Variants in CNKSR2 observed in about 807,000 individuals in gnomAD.
CNKSR2 encodes the protein connector enhancer of kinase suppressor of Ras 2, also known as CNK homolog protein 2.
In CNKSR2, 14 loss-of-function variants were observed where a neutral mutation model predicts 84.4. The observed-to-expected ratio is 0.17, with a 90% confidence interval of 0.11 to 0.26. The LOEUF (loss-of-function observed/expected upper bound fraction) is 0.26. CNKSR2 is among the 10% of genes least tolerant of loss of function. CNKSR2 has a pLI of 1.00. For missense variants in CNKSR2, 485 were observed against 771.2 expected (o/e 0.63, Z 4.40); for synonymous variants, 275 against 277.9 (o/e 0.99, Z 0.10).
chrX:21,507,284 C>A (rs2091622796), intron 8 of CNKSR2, among the ~76,000 whole-genome samples: 1 of 111,207 alleles, frequency 9.0e-6, no homozygotes, highest in Non-Finnish European at 1.9e-5. Flanking sequence ...AACATAGCCA[C>A]TCATTACTTT....
chrX:21,629,890 A>C (rs1359641339), intron 20 of CNKSR2, among the ~76,000 whole-genome samples: 1 of 112,728 alleles, frequency 8.9e-6, no homozygotes, highest in Non-Finnish European at 1.9e-5. Flanking sequence ...TGAATTATGA[A>C]GAAGTGAAAA....
rs2090071304 is a variant in CNKSR2 at position 21,392,953 on chromosome X, T to C, written c.64+17992T>C. ...GTGCCTTTCTGATTAAGATCTTCCT[T>C]GTTTTTTAGTTTAATGGTGTGAAAA... On this transcript the variant is annotated intron_variant, in intron 1 of 21. Coordinates refer to ENST00000379510, the MANE Select transcript of CNKSR2 (RefSeq NM_014927.5). Among the ~76,000 whole-genome samples, 4 of 111,688 alleles carry C rather than the reference T, an allele frequency of 3.6e-5. No individual in the cohort carries two copies. In the South Asian group the frequency reaches 1.5e-3, roughly 42 times the overall value.
intron 11 of CNKSR2, chrX:21,538,498 T>C (rs1047937743): frequency 9.0e-6 from 1 of 111,689 alleles, no homozygotes; most frequent in African/African-American, 3.3e-5. Flanking sequence ...ACTTGGGAAG[T>C]TTTTAGCTCT....
At position 21,416,589 on chromosome X, in the gene CNKSR2, T is replaced by C. The variant is rs1397938465; in HGVS notation, c.65-9908T>C. On this transcript the variant is annotated intron_variant, in intron 1 of 21. Coordinates refer to ENST00000379510, the MANE Select transcript of CNKSR2 (RefSeq NM_014927.5). ...GGCTTTTCTTTACTGTGAGACTTTTTATTATGGCTTCAATCTCCTTACTTG... is the reference window on the plus strand; with the variant it reads ...GGCTTTTCTTTACTGTGAGACTTTTCATTATGGCTTCAATCTCCTTACTTG... Among the ~76,000 whole-genome samples, 4 of 111,664 alleles carry C rather than the reference T, an allele frequency of 3.6e-5. No homozygotes were observed. The East Asian group carries it at 1.1e-3, about 31-fold the overall frequency.
At chrX:21,405,271 ATTC>A (rs985872418) in intron 1 of CNKSR2, among the ~76,000 whole-genome samples, 3 of 111,799 alleles carry the variant, frequency 2.7e-5, no homozygotes, top group African/African-American at 9.7e-5. Flanking sequence ...ACTATTGGGC[ATTC>A]TTATCCAGGA....
chrX:21,578,870 A>C (rs754286264), intron 13 of CNKSR2, among the ~76,000 whole-genome samples: 2 of 111,964 alleles, frequency 1.8e-5, no homozygotes, highest in Non-Finnish European at 3.8e-5. Flanking sequence ...GTTGGGAAGA[A>C]AATCTAGACA....
At chrX:21,521,634 A>G (rs1256491443) in intron 9 of CNKSR2, among the ~76,000 whole-genome samples, 1 of 110,755 alleles carries the variant, frequency 9.0e-6, no homozygotes, top group Non-Finnish European at 1.9e-5. Context: ...GCAGTATTTC[A>G]TGATTTGATG....
chrX:21,548,140 G>T (rs1028401505), intron 11 of CNKSR2, among the ~76,000 whole-genome samples: 5 of 111,587 alleles, frequency 4.5e-5, no homozygotes, highest in East Asian at 5.6e-4. Context: ...CCAAGAGGTG[G>T]TTTTTTGAAA....
intron 11 of CNKSR2, among the ~76,000 whole-genome samples, chrX:21,537,391 G>A (rs943084597): frequency 1.8e-5 from 2 of 111,308 alleles, no homozygotes; most frequent in Admixed American, 9.6e-5. Context: ...TTAGTCTATA[G>A]TGCAGTTTAA....
At chrX:21,513,281 C>T (rs761803396) in intron 8 of CNKSR2, among the ~76,000 whole-genome samples, 5 of 111,480 alleles carry the variant, frequency 4.5e-5, no homozygotes, top group Non-Finnish European at 9.4e-5. Context: ...CTAGAGGAAA[C>T]AGGTACACTT....
chrX:21,558,924 A>G (rs1478512184), intron 11 of CNKSR2, among the ~76,000 whole-genome samples: 1 of 111,447 alleles, frequency 9.0e-6, no homozygotes, highest in East Asian at 2.8e-4. Flanking sequence ...AGAGCTGTTA[A>G]TTGCTTCAGT....
intron 1 of CNKSR2, among the ~76,000 whole-genome samples, chrX:21,391,314 G>A (rs1435461627): frequency 8.9e-6 from 1 of 112,487 alleles, no homozygotes; most frequent in Non-Finnish European, 1.9e-5. Flanking sequence ...GGTCATCCAT[G>A]AGGTCTCCTC....
In CNKSR2 at chrX:21,532,074, GTTC is replaced by G. The variant is rs753616730; in HGVS notation, c.1303+13_1303+15del. Reference sequence around the variant, plus strand: ...GAAAGCACCCCAACTTATGGTAAGAGTTCTTCTTTTATGTTTATATAAGACTAT... The same window carrying G: ...GAAAGCACCCCAACTTATGGTAAGAGTTCTTTTATGTTTATATAAGACTAT... On this transcript the variant is annotated splice_region_variant and intron_variant, in intron 11 of 21. Transcript: ENST00000379510. 11 of 1,140,402 alleles carry G rather than the reference GTTC, an allele frequency of 9.6e-6. No individual in the cohort carries two copies. The highest frequency in any genetic ancestry group is 3.6e-5 in the African/African-American group (2 of 55,477). 94.0% of individuals were successfully genotyped at this position (1,140,402 alleles called of 1,213,427 possible). A position where few individuals can be genotyped will look rare whatever the true frequency, so the allele number is the denominator to read the frequency against.
chrX:21,413,285 A>G (rs1033029751), intron 1 of CNKSR2, among the ~76,000 whole-genome samples: 2 of 111,054 alleles, frequency 1.8e-5, no homozygotes, highest in Non-Finnish European at 3.8e-5. Flanking sequence ...ACATTTTAAA[A>G]TGTGTATACA....
Position 21,605,882 on chromosome X carries a change from A to G in CNKSR2, c.2045-897A>G, listed in dbSNP as rs137881902. Among the ~76,000 whole-genome samples the G allele has an allele frequency of 3.3e-4, 37 of 111,979 alleles. No individual in the cohort carries two copies. In the East Asian group the frequency reaches 0.01, roughly 31 times the overall value. On this transcript the variant is annotated intron_variant, in intron 18 of 21. Transcript: ENST00000379510. ...AGAATAAGGAGACTTTTGTTTTAAT[A>G]TGTTTTTTCTTATCATCTGAAATTG...
chrX:21,395,878 G>C (rs996471008), intron 1 of CNKSR2, among the ~76,000 whole-genome samples: 1 of 111,315 alleles, frequency 9.0e-6, no homozygotes, highest in Non-Finnish European at 1.9e-5. Flanking sequence ...TTTACACAAA[G>C]ATTTGCTATG....
intron 5 of CNKSR2, among the ~76,000 whole-genome samples, chrX:21,478,758 G>A (rs2091285002): frequency 9.0e-6 from 1 of 111,310 alleles, no homozygotes; most frequent in Non-Finnish European, 1.9e-5. Context: ...TAAGTTGAGG[G>A]CTTGGAGTAT....
intron 1 of CNKSR2, among the ~76,000 whole-genome samples, chrX:21,413,701 T>C (rs1323876844): frequency 9.0e-6 from 1 of 111,404 alleles, no homozygotes; most frequent in Non-Finnish European, 1.9e-5. Flanking sequence ...TGAGAACATT[T>C]GATATTTGTC....
chrX:21,652,211 A>G (rs1251262347), intron 21 of CNKSR2, 95 bp from the exon 22 acceptor site: 2 of 694,125 alleles, frequency 2.9e-6, no homozygotes, highest in African/African-American at 2.2e-5. Flanking sequence ...GCCATCTCCT[A>G]TGGGCTTCTT....
Sources: gnomAD v4.1 joint callset for allele counts (sites outside exome capture counted in the v4.1 genomes callset) on GRCh38, gnomAD v4.1.1 for gene constraint, MANE v1.5 for transcripts, NCBI Gene and HGNC (gene_info 2026-07-23, HGNC 2026-07-21) for gene names.